Variants in NELL1 observed in about 807,000 individuals in gnomAD.
NELL1 encodes the protein neural EGFL like 1.
Under a neutral mutation model 107.4 loss-of-function variants are expected in NELL1, and 76 were observed. The observed-to-expected ratio is 0.71, with a 90% CI of 0.59 to 0.86. The LOEUF is 0.86. Ranked by LOEUF, NELL1 falls within the 40% of genes least tolerant of loss-of-function variation. NELL1 has a pLI of 0.00. For missense variants in NELL1, 1,024 were observed against 1,005.5 expected (o/e 1.02, Z -0.25); for synonymous variants, 353 against 341.2 (o/e 1.03, Z -0.38).
chr11:21,413,031 C>G (rs894257599), intron 15 of NELL1, among the ~76,000 whole-genome samples: 2 of 152,050 alleles, frequency 1.3e-5, no homozygotes, highest in Non-Finnish European at 2.9e-5. Context: ...GTTAGGTATT[C>G]CAACACTTTG....
chr11:20,990,458 G>C (rs1370476201), intron 12 of NELL1, among the ~76,000 whole-genome samples: 2 of 152,162 alleles, frequency 1.3e-5, no homozygotes, highest in Admixed American at 1.3e-4. Flanking sequence ...GCAGTACCAG[G>C]ACATGCCAGT....
chr11:20,863,376 C>T (rs1262167875), intron 4 of NELL1, among the ~76,000 whole-genome samples: 21 of 61,948 alleles, frequency 3.4e-4, no homozygotes, highest in South Asian at 1.4e-3. Context: ...TGCCCCCCAC[C>T]TCCCTCCTGG....
chr11:21,140,411 A>G (rs148359409), intron 13 of NELL1, among the ~76,000 whole-genome samples: 175 of 152,326 alleles, frequency 1.1e-3, no homozygotes, highest in African/African-American at 4.0e-3. Context: ...TAATGAGATC[A>G]CATATGTAAT....
At chr11:21,054,149 C>T (rs1197515291) in intron 12 of NELL1, among the ~76,000 whole-genome samples, 1 of 152,014 alleles carries the variant, frequency 6.6e-6, no homozygotes, top group Non-Finnish European at 1.5e-5. Flanking sequence ...TGAACTCTTC[C>T]AATTTCTGCC....
intron 15 of NELL1, among the ~76,000 whole-genome samples, chr11:21,402,673 T>C (rs745437888): frequency 9.2e-5 from 14 of 151,584 alleles, no homozygotes; most frequent in Non-Finnish European, 1.9e-4. Context: ...AAAATTCACC[T>C]TTTGTTCAAG....
intron 4 of NELL1, among the ~76,000 whole-genome samples, chr11:20,851,246 A>G (rs1207631743): frequency 6.6e-6 from 1 of 152,214 alleles, no homozygotes; most frequent in Non-Finnish European, 1.5e-5. Context: ...TTTCAGACCT[A>G]ATTGTACAAA....
intron 12 of NELL1, among the ~76,000 whole-genome samples, chr11:21,107,789 T>G (rs1392861627): frequency 6.6e-6 from 1 of 152,180 alleles, no homozygotes; most frequent in African/African-American, 2.4e-5. Flanking sequence ...CTAAAGGGTT[T>G]CTGGTCCAAC....
chr11:20,745,322 T>C (rs75438015), intron 2 of NELL1, among the ~76,000 whole-genome samples: 1 of 152,160 alleles, frequency 6.6e-6, no homozygotes, highest in Non-Finnish European at 1.5e-5. Flanking sequence ...TCACCACACA[T>C]GGTAGAATTA....
At chr11:21,154,559 A>G (rs1158890653) in intron 13 of NELL1, among the ~76,000 whole-genome samples, 1 of 152,202 alleles carries the variant, frequency 6.6e-6, no homozygotes, top group Non-Finnish European at 1.5e-5. Context: ...TGGGTGATGT[A>G]TACATGTTAA....
chr11:21,197,141 TG>T (rs1438907981), intron 13 of NELL1, among the ~76,000 whole-genome samples: 1 of 151,876 alleles, frequency 6.6e-6, no homozygotes, highest in Non-Finnish European at 1.5e-5. Flanking sequence ...CCTCCCAAAG[TG>T]CTGGGATTAC....
intron 15 of NELL1, among the ~76,000 whole-genome samples, chr11:21,428,859 C>T (rs916322216): frequency 1.3e-5 from 2 of 152,184 alleles, no homozygotes; most frequent in Admixed American, 6.5e-5. Flanking sequence ...AAGGCAGCAA[C>T]ATCAAGTGAC....
intron 14 of NELL1, among the ~76,000 whole-genome samples, chr11:21,341,732 C>T (rs985438874): frequency 1.3e-5 from 2 of 152,216 alleles, no homozygotes; most frequent in Non-Finnish European, 2.9e-5. Flanking sequence ...TTAAAACTCA[C>T]TTTCTTAACT....
intron 12 of NELL1, among the ~76,000 whole-genome samples, chr11:21,087,328 T>C (rs1227807503): frequency 6.6e-6 from 1 of 152,138 alleles, no homozygotes; most frequent in Non-Finnish European, 1.5e-5. Context: ...AAGAAAATTT[T>C]TTTGTTTGAG....
intron 12 of NELL1, among the ~76,000 whole-genome samples, chr11:21,089,018 G>C (rs1300630492): frequency 6.6e-6 from 1 of 152,152 alleles, no homozygotes; most frequent in East Asian, 1.9e-4. Flanking sequence ...AAGAGTATTA[G>C]ACATAAAAAA....
At chr11:21,272,218 T>C (rs1026830132) in intron 14 of NELL1, among the ~76,000 whole-genome samples, 2 of 152,206 alleles carry the variant, frequency 1.3e-5, no homozygotes, top group African/African-American at 4.8e-5. Flanking sequence ...ACTGCACTTT[T>C]CCAACAGTCT....
chr11:20,767,195 C>A (rs1856550602), intron 2 of NELL1, among the ~76,000 whole-genome samples: 3 of 152,138 alleles, frequency 2.0e-5, no homozygotes, highest in Non-Finnish European at 4.4e-5. Flanking sequence ...AGTGTAACAG[C>A]TCTTAAAGGT....
At position 21,575,183 on chromosome 11, in the gene NELL1, T is replaced by C. The variant is rs1290111629; in HGVS notation, c.*161T>C. 6.2e-6 allele frequency: 4 copies of C among 645,750 alleles called. No individual in the cohort carries two copies. Among genetic ancestry groups the C allele is most frequent in the Non-Finnish European group, 1.1e-5 (4 of 362,588 alleles). 40.0% of individuals were successfully genotyped at this position (645,750 alleles called of 1,614,324 possible). ...AGGACGGTGTTTGGAGGTTGCCTTT[T>C]GGACCTACCACTTTGCTCATTCTTG... On this transcript the variant is annotated 3_prime_UTR_variant, in exon 20 of 20. Coordinates refer to ENST00000357134, the MANE Select transcript of NELL1 (RefSeq NM_006157.5).
chr11:21,189,859 T>C (rs1282185814), intron 13 of NELL1, among the ~76,000 whole-genome samples: 2 of 151,870 alleles, frequency 1.3e-5, no homozygotes, highest in Middle Eastern at 3.2e-3. Flanking sequence ...AGATATTTTG[T>C]TGCTGAGTTT....
chr11:21,365,099 C>T (rs190832551), intron 14 of NELL1, among the ~76,000 whole-genome samples: 2 of 152,276 alleles, frequency 1.3e-5, no homozygotes, highest in Admixed American at 1.3e-4. Flanking sequence ...CATAGTTAAT[C>T]ATTTTCTCCT....
Sources: gnomAD v4.1 joint callset for allele counts (sites outside exome capture counted in the v4.1 genomes callset) on GRCh38, gnomAD v4.1.1 for gene constraint, MANE v1.5 for transcripts, NCBI Gene and HGNC (gene_info 2026-07-23, HGNC 2026-07-21) for gene names.